FRMD4B: variants seen among roughly 807,000 people sequenced by gnomAD.
FRMD4B encodes the protein FERM domain-containing protein 4B.
In FRMD4B, 74 loss-of-function variants were observed where a neutral mutation model predicts 141.5. The observed-to-expected ratio is 0.52, with a 90% confidence interval of 0.43 to 0.63. The LOEUF is 0.63. FRMD4B is among the 30% of genes least tolerant of loss of function. The pLI, the probability that FRMD4B is intolerant of heterozygous loss-of-function variation, is 0.00. For missense variants in FRMD4B, 1,366 were observed against 1,253.4 expected (o/e 1.09, Z -1.36); for synonymous variants, 506 against 467.9 (o/e 1.08, Z -1.05).
chr3:69,193,619 C>CA (rs11310698), intron 17 of FRMD4B, 29 bp downstream of exon 17: 644 of 1,019,538 alleles, frequency 6.3e-4, no homozygotes, highest in Non-Finnish European at 7.4e-4. Context: ...GTAGGGGACT[C>CA]AAAAAAAAAA....
At chr3:69,189,647 G>C (rs1486139007) in intron 18 of FRMD4B, among the ~76,000 whole-genome samples, 1 of 152,198 alleles carries the variant, frequency 6.6e-6, no homozygotes, top group African/African-American at 2.4e-5. Flanking sequence ...GAGAGACTTA[G>C]ATACTCCCGT....
At chr3:69,238,941 G>A (rs2093363806) in intron 7 of FRMD4B, among the ~76,000 whole-genome samples, 1 of 152,126 alleles carries the variant, frequency 6.6e-6, no homozygotes, top group African/African-American at 2.4e-5. Flanking sequence ...GTTAGAGTTG[G>A]CAGATTTAAT....
chr3:69,345,156 A>G (rs991596894), intron 1 of FRMD4B, among the ~76,000 whole-genome samples: 1 of 152,170 alleles, frequency 6.6e-6, no homozygotes, highest in South Asian at 2.1e-4. Context: ...CACTTTTCCA[A>G]TGGTCTTAGC....
intron 1 of FRMD4B, among the ~76,000 whole-genome samples, chr3:69,499,799 T>C (rs1026462696): frequency 2.6e-5 from 4 of 152,190 alleles, no homozygotes; most frequent in Non-Finnish European, 4.4e-5. Context: ...TTATAGGCAT[T>C]GGCTCAGCCA....
At chr3:69,261,561 G>T (rs1230955137) in intron 5 of FRMD4B, among the ~76,000 whole-genome samples, 1 of 152,164 alleles carries the variant, frequency 6.6e-6, no homozygotes, top group Non-Finnish European at 1.5e-5. Flanking sequence ...GGTATATCTG[G>T]TTGCATTACA....
At chr3:69,329,345 CTTTATT>C (rs1174170303) in intron 1 of FRMD4B, among the ~76,000 whole-genome samples, 3 of 151,800 alleles carry the variant, frequency 2.0e-5, no homozygotes, top group Admixed American at 6.6e-5. Context: ...TAATTTATTT[CTTTATT>C]TTTATTTTTA....
At chr3:69,273,918 A>AG (rs2093606289) in intron 5 of FRMD4B, among the ~76,000 whole-genome samples, 2 of 143,030 alleles carry the variant, frequency 1.4e-5, no homozygotes, top group South Asian at 2.2e-4. Context: ...GTGGTAGACA[A>AG]GGAAAAAAAA....
intron 1 of FRMD4B, among the ~76,000 whole-genome samples, chr3:69,439,823 C>T (rs1705316405): frequency 6.6e-6 from 1 of 152,184 alleles, no homozygotes; most frequent in African/African-American, 2.4e-5. Context: ...CTTGCATTTC[C>T]TGCTTTTATT....
chr3:69,342,271 G>A (rs1434660275), intron 1 of FRMD4B, among the ~76,000 whole-genome samples: 3 of 152,194 alleles, frequency 2.0e-5, no homozygotes, highest in Non-Finnish European at 4.4e-5. Flanking sequence ...TGGACATACT[G>A]TGATTACTTA....
Position 69,181,698 on chromosome 3 carries a change from T to G in FRMD4B, c.2052A>C (p.Ser684=). The stretch of plus-strand genomic sequence containing the variant: ...CACTCCGCTGGCGGCAGTGCTGAGA[T>G]GAAGATTCGGGTCTGAAAGAGGAGA... ...YSSSHLEPES[S]SQHCRQRSGS... Residue 684 remains serine, a synonymous_variant, in exon 21 of 23, where the codon TCA becomes TCC. Transcript: ENST00000398540. 1 of 1,609,780 alleles carries G rather than the reference T, an allele frequency of 6.2e-7. No homozygotes were observed. Among genetic ancestry groups the G allele is most frequent in the Non-Finnish European group, 8.5e-7 (1 of 1,177,562 alleles).
chr3:69,433,260 A>G (rs1261627274), intron 1 of FRMD4B: 1 of 152,196 alleles, frequency 6.6e-6, no homozygotes, highest in Admixed American at 6.5e-5. Flanking sequence ...TCTAGCGTGC[A>G]TATCACGCCA....
rs528211919 is a variant in FRMD4B at position 69,503,184 on chromosome 3, G to C, written c.-129+39022C>G. Among the ~76,000 whole-genome samples, 135 of 152,026 alleles carry C rather than the reference G, an allele frequency of 8.9e-4. 4 individuals carry two copies. In the South Asian group the frequency reaches 0.026, roughly 29 times the overall value. Reference sequence around the variant, plus strand: ...ATTTGACCCAGCCATCCCATTACTGGGTATATACCCAAAGGATTATAAATC... The same window carrying C: ...ATTTGACCCAGCCATCCCATTACTGCGTATATACCCAAAGGATTATAAATC... On this transcript the variant is annotated intron_variant, in intron 1 of 5. Coordinates refer to the FRMD4B transcript ENST00000459638.
chr3:69,441,318 C>T (rs1705337847), intron 1 of FRMD4B, among the ~76,000 whole-genome samples: 1 of 151,236 alleles, frequency 6.6e-6, no homozygotes, highest in South Asian at 2.2e-4. Flanking sequence ...TCTTTATGTA[C>T]TCAAACATAC....
Position 69,393,329 on chromosome 3 carries a change from C to CAAAAA in FRMD4B, c.-1+39300_-1+39304dup, listed in dbSNP as rs3032132. On this transcript the variant is annotated intron_variant, in intron 2 of 5. Transcript: ENST00000459638. ...GCTATCTATATTGTCTGAAGAAGTA[C>CAAAAA]AAAAAAAAAAAAAAAAGAGCGTCAT... 5.5e-5 allele frequency among the ~76,000 whole-genome samples: 7 copies of CAAAAA among 126,146 alleles called. 1 individual carries two copies. The highest frequency in any genetic ancestry group is 8.1e-5 in the Admixed American group (1 of 12,288). 82.8% of individuals were successfully genotyped at this position (126,146 alleles called of 152,430 possible).
chr3:69,347,741 A>C, intron 1 of FRMD4B, among the ~76,000 whole-genome samples: 1 of 152,248 alleles, frequency 6.6e-6, no homozygotes, highest in Non-Finnish European at 1.5e-5. Flanking sequence ...TACTGGGTAC[A>C]TAATGAAATG....
intron 5 of FRMD4B, among the ~76,000 whole-genome samples, chr3:69,271,233 G>A (rs1375701447): frequency 2.0e-5 from 3 of 152,156 alleles, no homozygotes; most frequent in African/African-American, 7.2e-5. Context: ...TTGTCTTGAC[G>A]TATTCCACAA....
At chr3:69,389,073 G>A (rs983053323), upstream of FRMD4B, among the ~76,000 whole-genome samples, 17 of 127,416 alleles carry the variant, frequency 1.3e-4, no homozygotes, top group African/African-American at 4.4e-4. Context: ...TCCCTCTGTC[G>A]CCCAGGCTGG....
At chr3:69,316,716 A>G (rs979428095) in intron 1 of FRMD4B, among the ~76,000 whole-genome samples, 2 of 152,248 alleles carry the variant, frequency 1.3e-5, no homozygotes, top group Non-Finnish European at 2.9e-5. Flanking sequence ...GATATAAAAA[A>G]ATAATGCTCA....
chr3:69,296,021 T>G (rs757557375), intron 4 of FRMD4B, among the ~76,000 whole-genome samples: 8 of 152,164 alleles, frequency 5.3e-5, no homozygotes, highest in African/African-American at 9.7e-5. Context: ...TTTGTCATGT[T>G]GGCCAGGCTG....
Sources: gnomAD v4.1 joint callset for allele counts (sites outside exome capture counted in the v4.1 genomes callset) on GRCh38, gnomAD v4.1.1 for gene constraint, MANE v1.5 for transcripts, NCBI Gene and HGNC (gene_info 2026-07-23, HGNC 2026-07-21) for gene names.